CFAP47: variants seen among roughly 807,000 people sequenced by gnomAD.
The protein encoded by CFAP47 is cilia and flagella associated protein 47.
CFAP47 carries 29 observed loss-of-function variants against 148.1 expected under a neutral mutation model. The ratio of observed to expected loss-of-function variants is 0.20; its 90% CI spans 0.15 to 0.27. The LOEUF is 0.27. CFAP47 is among the 10% of genes least tolerant of loss of function. The pLI is 1.00. For missense variants in CFAP47, 1,872 were observed against 1,697.5 expected, an observed-to-expected ratio of 1.10 and a Z score of -1.81; for synonymous variants, 664 against 577.3, an observed-to-expected ratio of 1.15 and a Z score of -2.15.
chrX:36,254,173 G>A (rs188090829), intron 49 of CFAP47, among the ~76,000 whole-genome samples: 1 of 111,152 alleles, frequency 9.0e-6, no homozygotes, highest in African/African-American at 3.3e-5. Flanking sequence ...CAACAATGGG[G>A]GTCTGAGAGG....
intron 18 of CFAP47, among the ~76,000 whole-genome samples, chrX:35,995,974 C>T (rs749533892): frequency 5.4e-5 from 6 of 111,219 alleles, no homozygotes; most frequent in East Asian, 2.8e-4. Context: ...TGAGTGAGAA[C>T]GCAAGGGAGA....
intron 31 of CFAP47, 121 bp from the exon 32 acceptor site, chrX:36,099,630 T>A: frequency 5.2e-6 from 2 of 386,712 alleles, no homozygotes; most frequent in South Asian, 9.2e-5. Context: ...TATTGGCACA[T>A]TGCAAATTAG....
At position 36,385,008 on chromosome X, in the gene CFAP47, AT is replaced by A. The variant is rs1569333765; in HGVS notation, c.*9del. ...GCTCCTTTGGTGAAGAATCAATAAA[AT>A]TTTTTTCCAAAATATTTCTTGGTCT... On this transcript the variant is annotated 3_prime_UTR_variant, in exon 64 of 64. Coordinates refer to ENST00000378653, the MANE Select transcript of CFAP47 (RefSeq NM_001304548.2). The A allele has an allele frequency of 1.8e-6, 2 of 1,127,940 alleles. No individual in the cohort carries two copies. The highest frequency in any genetic ancestry group is 2.0e-5 in the South Asian group (1 of 51,075). The allele number at this position is 1,127,940 out of a possible 1,213,427, so 93.0% of individuals were successfully genotyped here.
At chrX:36,259,647 G>T (rs992749537) in intron 49 of CFAP47, among the ~76,000 whole-genome samples, 3 of 111,185 alleles carry the variant, frequency 2.7e-5, no homozygotes, top group Non-Finnish European at 3.8e-5. Flanking sequence ...TGGGAAGTTT[G>T]ACTCCAAAGT....
At chrX:36,295,716 T>A (rs1301164117) in intron 51 of CFAP47, among the ~76,000 whole-genome samples, 2 of 112,033 alleles carry the variant, frequency 1.8e-5, no homozygotes, top group Non-Finnish European at 3.8e-5. Flanking sequence ...CCTAAAATTT[T>A]GAAGATATTT....
At chrX:35,995,921 G>A (rs189703451) in intron 18 of CFAP47, among the ~76,000 whole-genome samples, 2 of 111,838 alleles carry the variant, frequency 1.8e-5, no homozygotes, top group African/African-American at 6.5e-5. Context: ...AGGCTTCAAA[G>A]TCTCTTCGAT....
chrX:36,362,873 CTA>C (rs1209593093), intron 61 of CFAP47, among the ~76,000 whole-genome samples: 20 of 111,458 alleles, frequency 1.8e-4, no homozygotes, highest in Middle Eastern at 4.6e-3. Context: ...TTGACATTTT[CTA>C]TGTTTGTATT....
chrX:36,257,397 A>G (rs55743918), intron 49 of CFAP47, among the ~76,000 whole-genome samples: 1,782 of 110,786 alleles, frequency 0.016, 40 homozygotes, highest in African/African-American at 0.055. Flanking sequence ...TTACACAACA[A>G]GAATATTTTC....
intron 49 of CFAP47, among the ~76,000 whole-genome samples, chrX:36,252,482 C>A (rs994333832): frequency 9.9e-5 from 11 of 110,657 alleles, no homozygotes; most frequent in African/African-American, 2.9e-4. Context: ...GTGTGCTTAA[C>A]CTCAAATGCC....
chrX:36,293,459 G>T lies in CFAP47; in HGVS notation c.7687-5518G>T, dbSNP rs184373202. On this transcript the variant is annotated intron_variant, in intron 51 of 63. Coordinates refer to ENST00000378653, the MANE Select transcript of CFAP47 (RefSeq NM_001304548.2). ...TCTGTGTTGTGATTCAGGGAGCAAG[G>T]CTCGTTCCATCTTGTGATTCCTTCC... Among the ~76,000 whole-genome samples the T allele has an allele frequency of 1.1e-4, 12 of 112,477 alleles. 1 individual carries two copies. In the Admixed American group the frequency reaches 1.1e-3, roughly 11 times the overall value.
chrX:36,172,737 C>T (rs1045789758), intron 39 of CFAP47, among the ~76,000 whole-genome samples: 11 of 111,668 alleles, frequency 9.9e-5, no homozygotes, highest in South Asian at 3.8e-4. Context: ...CAATATTCAT[C>T]AAGGATATTG....
chrX:36,126,377 G>A (rs1165330084), intron 33 of CFAP47, among the ~76,000 whole-genome samples: 2 of 111,225 alleles, frequency 1.8e-5, no homozygotes, highest in African/African-American at 6.5e-5. Flanking sequence ...ATAGTTTGCT[G>A]AGAATGATGG....
chrX:35,920,165 G>A, intron 1 of CFAP47, 117 bp downstream of exon 1: 3 of 811,878 alleles, frequency 3.7e-6, no homozygotes, highest in Non-Finnish European at 5.1e-6. Flanking sequence ...GGAGGATTGG[G>A]CTTCCCGGGA....
chrX:36,057,463 G>A (rs954338239), intron 26 of CFAP47, among the ~76,000 whole-genome samples: 3 of 111,438 alleles, frequency 2.7e-5, no homozygotes, highest in Non-Finnish European at 3.8e-5. Flanking sequence ...AAAATAAAAA[G>A]GCAGCATATA....
chrX:36,120,725 T>A (rs1390474735), intron 33 of CFAP47, among the ~76,000 whole-genome samples: 5 of 109,389 alleles, frequency 4.6e-5, no homozygotes, highest in African/African-American at 1.7e-4. Flanking sequence ...TCAGGGAAGA[T>A]GCTTGATATG....
chrX:36,065,073 A>G (rs192981290), intron 26 of CFAP47, among the ~76,000 whole-genome samples: 1 of 112,300 alleles, frequency 8.9e-6, no homozygotes, highest in Non-Finnish European at 1.9e-5. Context: ...GGCAGTAGAA[A>G]GAATCCTTGA....
intron 62 of CFAP47, among the ~76,000 whole-genome samples, chrX:36,371,838 A>G (rs1311466213): frequency 1.4e-5 from 1 of 73,624 alleles, no homozygotes; most frequent in African/African-American, 6.4e-5. Context: ...ACATGTGTGT[A>G]TATGTGTGTA....
intron 57 of CFAP47, among the ~76,000 whole-genome samples, chrX:36,327,733 G>A (rs182491493): frequency 1.4e-3 from 157 of 111,714 alleles, no homozygotes; most frequent in African/African-American, 5.0e-3. Flanking sequence ...CCCATCAACC[G>A]TGGACTGAAA....
intron 37 of CFAP47, 137 bp downstream of exon 37, chrX:36,149,360 T>C (rs1939277472): frequency 3.8e-6 from 1 of 259,922 alleles, no homozygotes; most frequent in African/African-American, 2.8e-5. Context: ...CAGACAAATA[T>C]TCGTATGTTT....
Sources: gnomAD v4.1 joint callset for allele counts (sites outside exome capture counted in the v4.1 genomes callset) on GRCh38, gnomAD v4.1.1 for gene constraint, MANE v1.5 for transcripts, NCBI Gene and HGNC (gene_info 2026-07-23, HGNC 2026-07-21) for gene names.